DNM3: variants seen among roughly 807,000 people sequenced by gnomAD.
The protein encoded by DNM3 is dynamin-3.
In DNM3, 47 loss-of-function variants were observed where a neutral mutation model predicts 101.6. That is an observed-to-expected ratio of 0.46 (90% CI 0.37 to 0.59). DNM3 has a LOEUF of 0.59. DNM3 is among the 20% of genes least tolerant of loss of function. The probability of loss-of-function intolerance (pLI) is 0.00; values close to 1 mark genes in which losing one functional copy is unlikely to be tolerated. For synonymous variants in DNM3, 385 were observed against 387.9 expected, an observed-to-expected ratio of 0.99 and a Z score of 0.09; for missense variants, 849 against 1,085.7, an observed-to-expected ratio of 0.78 and a Z score of 3.06.
chr1:172,068,785 G>T (rs1426030141), intron 10 of DNM3, 34 bp from the exon 11 acceptor site: 1 of 1,516,886 alleles, frequency 6.6e-7, no homozygotes, highest in South Asian at 1.2e-5. Flanking sequence ...GTAACTTTTT[G>T]AGTATTAATA....
At chr1:172,060,066 AG>A (rs1389378946) in intron 10 of DNM3, among the ~76,000 whole-genome samples, 1 of 152,110 alleles carries the variant, frequency 6.6e-6, no homozygotes, top group African/African-American at 2.4e-5. Context: ...ACAAACAGAG[AG>A]CTAAATCATG....
intron 13 of DNM3, among the ~76,000 whole-genome samples, chr1:172,114,150 T>C (rs2147967785): frequency 6.6e-6 from 1 of 152,228 alleles, no homozygotes; most frequent in East Asian, 1.9e-4. Flanking sequence ...AAAGTGAAGA[T>C]GGAGGGGCAG....
chr1:172,071,380 T>C (rs1481242603), intron 11 of DNM3, among the ~76,000 whole-genome samples: 1 of 151,894 alleles, frequency 6.6e-6, no homozygotes, highest in South Asian at 2.1e-4. Context: ...ACCTCTAATA[T>C]GGACTTGTGT....
intron 20 of DNM3, among the ~76,000 whole-genome samples, chr1:172,389,767 G>A (rs2069416970): frequency 6.6e-6 from 1 of 152,174 alleles, no homozygotes; most frequent in Admixed American, 6.5e-5. Flanking sequence ...CCTGAAGCCT[G>A]AGCCACCTTG....
At chr1:172,312,351 TA>T (rs1263957713) in intron 16 of DNM3, among the ~76,000 whole-genome samples, 1 of 152,210 alleles carries the variant, frequency 6.6e-6, no homozygotes. Flanking sequence ...AAGATACCTC[TA>T]TTTTGACTGG....
intron 14 of DNM3, among the ~76,000 whole-genome samples, chr1:172,166,507 C>A (rs1211727621): frequency 1.3e-5 from 2 of 151,974 alleles, no homozygotes; most frequent in African/African-American, 4.8e-5. Context: ...ATGTGCACTG[C>A]CAATTTGATT....
At chr1:171,975,086 G>A (rs60437838) in intron 2 of DNM3, among the ~76,000 whole-genome samples, 2,140 of 152,008 alleles carry the variant, frequency 0.014, 50 homozygotes, top group African/African-American at 0.048. Flanking sequence ...TGACCTCCTG[G>A]CCTCAAGTGA....
At chr1:172,005,250 A>T (rs1313962287) in intron 4 of DNM3, among the ~76,000 whole-genome samples, 2 of 152,104 alleles carry the variant, frequency 1.3e-5, no homozygotes, top group Non-Finnish European at 2.9e-5. Flanking sequence ...TCTGCAAAGT[A>T]CTTAGTACAG....
intron 1 of DNM3, among the ~76,000 whole-genome samples, chr1:171,911,231 C>CT (rs2039268773): frequency 7.0e-6 from 1 of 142,702 alleles, no homozygotes; most frequent in Non-Finnish European, 1.5e-5. Context: ...GCAACCTACA[C>CT]TTTTTTGGCT....
In DNM3 at chr1:171,993,479, T is replaced by C. The variant is rs931501795; in HGVS notation, c.589+4331T>C. ...ATCCTTTGAACATGATTTTCTTCTC[T>C]CCTGCTGCTTTCAAGATTCTTTTTT... is the stretch of plus-strand genomic sequence containing the variant. On this transcript the variant is annotated intron_variant, in intron 4 of 20. Transcript: ENST00000627582. Among the ~76,000 whole-genome samples, 9 of 149,604 alleles carry C rather than the reference T, an allele frequency of 6.0e-5. No homozygotes were observed. The East Asian group carries it at 1.8e-3, about 30-fold the overall frequency.
chr1:172,136,224 A>G (rs114421032), intron 14 of DNM3, among the ~76,000 whole-genome samples: 2,000 of 152,296 alleles, frequency 0.013, 36 homozygotes, highest in African/African-American at 0.045. Flanking sequence ...AGGGATATTT[A>G]CTTAGCATTG....
intron 2 of DNM3, among the ~76,000 whole-genome samples, chr1:171,975,153 G>A (rs2044281431): frequency 6.6e-6 from 1 of 152,018 alleles, no homozygotes; most frequent in Admixed American, 6.6e-5. Flanking sequence ...TACTGCACCT[G>A]GCCATTGTTT....
chr1:172,251,094 C>T (rs1387508426), intron 14 of DNM3, among the ~76,000 whole-genome samples: 1 of 152,140 alleles, frequency 6.6e-6, no homozygotes, highest in Non-Finnish European at 1.5e-5. Context: ...AGTTGAGCTA[C>T]ATTTCAAGTG....
intron 17 of DNM3, among the ~76,000 whole-genome samples, chr1:172,360,098 T>A (rs1207665752): frequency 6.6e-6 from 1 of 152,070 alleles, no homozygotes; most frequent in Non-Finnish European, 1.5e-5. Flanking sequence ...TTTTTAAAAG[T>A]GTACATATTA....
intron 17 of DNM3, 141 bp downstream of exon 17, chr1:172,323,481 T>A: frequency 1.0e-6 from 1 of 992,900 alleles, no homozygotes. Context: ...TGTGCAAATT[T>A]GGGGGAAAAT....
intron 15 of DNM3, among the ~76,000 whole-genome samples, chr1:172,294,416 T>C (rs1388772345): frequency 6.6e-6 from 1 of 152,198 alleles, no homozygotes; most frequent in Non-Finnish European, 1.5e-5. Flanking sequence ...TCCATTTTCT[T>C]ATTCATTCAA....
At chr1:172,040,732 A>G (rs1419480313) in intron 7 of DNM3, among the ~76,000 whole-genome samples, 2 of 152,176 alleles carry the variant, frequency 1.3e-5, no homozygotes, top group East Asian at 3.8e-4. Context: ...GGATAGAGTC[A>G]TGGATCATGA....
intron 1 of DNM3, among the ~76,000 whole-genome samples, chr1:171,901,112 CAAA>C (rs1243053508): frequency 1.5e-5 from 1 of 66,738 alleles, no homozygotes; most frequent in Non-Finnish European, 2.7e-5. Context: ...GACTCTGTCT[CAAA>C]AAAAAAAAAA....
intron 13 of DNM3, 33 bp downstream of exon 13, chr1:172,092,908 TG>T (rs1291158037): frequency 3.5e-5 from 54 of 1,521,780 alleles, no homozygotes; most frequent in Non-Finnish European, 4.8e-5. Context: ...AGTGTATGCA[TG>T]TCCCAAAGAA....
Sources: gnomAD v4.1 joint callset for allele counts (sites outside exome capture counted in the v4.1 genomes callset) on GRCh38, gnomAD v4.1.1 for gene constraint, MANE v1.5 for transcripts, NCBI Gene and HGNC (gene_info 2026-07-23, HGNC 2026-07-21) for gene names.